ERBB4: variants seen among roughly 807,000 people sequenced by gnomAD.
ERBB4 encodes erb-b2 receptor tyrosine kinase 4.
A neutral mutation model predicts 158.0 loss-of-function variants in ERBB4; 42 were observed. That is an observed-to-expected ratio of 0.27 (90% CI 0.21 to 0.34). ERBB4 has a LOEUF of 0.34. Ranked by LOEUF, ERBB4 falls within the 10% of genes least tolerant of loss-of-function variation. The pLI is 1.00. For synonymous variants in ERBB4, 583 were observed against 558.7 expected, an observed-to-expected ratio of 1.04 and a Z score of -0.61; for missense variants, 1,333 against 1,624.1, an observed-to-expected ratio of 0.82 and a Z score of 3.08.
At chr2:211,424,583 C>T (rs2063585267) in intron 22 of ERBB4, among the ~76,000 whole-genome samples, 1 of 152,016 alleles carries the variant, frequency 6.6e-6, no homozygotes, top group Non-Finnish European at 1.5e-5. Flanking sequence ...CCATTTCTGC[C>T]TATAGGTAAC....
At chr2:211,614,255 A>G (rs565019306) in intron 19 of ERBB4, among the ~76,000 whole-genome samples, 7 of 152,174 alleles carry the variant, frequency 4.6e-5, no homozygotes, top group African/African-American at 1.7e-4. Context: ...GAGTAGAAGG[A>G]TGGTTACCAG....
chr2:211,946,629 C>T (rs1575418645), intron 3 of ERBB4, among the ~76,000 whole-genome samples: 1 of 100,108 alleles, frequency 1.0e-5, no homozygotes, highest in East Asian at 4.0e-4. Flanking sequence ...GCTGTTGTTG[C>T]CCAGGGTAGA....
chr2:211,658,113 A>G (rs978216594), intron 15 of ERBB4: 21 of 688,042 alleles, frequency 3.1e-5, no homozygotes, highest in African/African-American at 9.0e-5. Context: ...TTGGAACACA[A>G]TGAATTTCAA....
chr2:212,060,929 T>C (rs949540829), intron 2 of ERBB4, among the ~76,000 whole-genome samples: 15 of 150,382 alleles, frequency 1.0e-4, no homozygotes, highest in South Asian at 6.3e-4. Flanking sequence ...CTGTACATTG[T>C]GCACACGTAC....
chr2:212,458,275 T>G (rs1453901495), intron 1 of ERBB4, among the ~76,000 whole-genome samples: 1 of 152,088 alleles, frequency 6.6e-6, no homozygotes, highest in East Asian at 1.9e-4. Context: ...AAATTCCATT[T>G]TTTTTTAGGG....
At chr2:212,515,963 A>G (rs1382770812) in intron 1 of ERBB4, among the ~76,000 whole-genome samples, 1 of 152,100 alleles carries the variant, frequency 6.6e-6, no homozygotes, top group Non-Finnish European at 1.5e-5. Context: ...CATTAAAGGA[A>G]GTGAATAAGT....
chr2:212,298,886 C>T (rs1039798361), intron 1 of ERBB4, among the ~76,000 whole-genome samples: 1 of 151,522 alleles, frequency 6.6e-6, no homozygotes, highest in African/African-American at 2.4e-5. Context: ...ATAATTACCT[C>T]AAATAGTTAC....
chr2:212,425,797 T>G (rs1009997940), intron 1 of ERBB4, among the ~76,000 whole-genome samples: 1 of 151,956 alleles, frequency 6.6e-6, no homozygotes, highest in African/African-American at 2.4e-5. Flanking sequence ...TTCCTAACAT[T>G]TTCTTGCTAG....
At chr2:212,013,448 C>A (rs2076438309) in intron 2 of ERBB4, among the ~76,000 whole-genome samples, 1 of 152,142 alleles carries the variant, frequency 6.6e-6, no homozygotes, top group Non-Finnish European at 1.5e-5. Context: ...AATTGGATAG[C>A]ATTCCCTCAA....
intron 1 of ERBB4, among the ~76,000 whole-genome samples, chr2:212,524,685 A>AT (rs112996712): frequency 0.17 from 25,508 of 151,414 alleles, 2,271 homozygotes; most frequent in African/African-American, 0.23. Flanking sequence ...TGTTTAAGTC[A>AT]TTTTTTTTAA....
intron 2 of ERBB4, among the ~76,000 whole-genome samples, chr2:212,122,110 C>A (rs2079770895): frequency 6.6e-6 from 1 of 151,082 alleles, no homozygotes; most frequent in African/African-American, 2.4e-5. Flanking sequence ...ACATATATAT[C>A]ACATATAAAA....
At chr2:212,111,351 C>A (rs564571171) in intron 2 of ERBB4, among the ~76,000 whole-genome samples, 212 of 152,322 alleles carry the variant, frequency 1.4e-3, no homozygotes, top group African/African-American at 4.9e-3. Flanking sequence ...CATACCCATA[C>A]AAGTAAATTC....
At chr2:211,955,016 G>T (rs558272613) in intron 2 of ERBB4, among the ~76,000 whole-genome samples, 1 of 152,014 alleles carries the variant, frequency 6.6e-6, no homozygotes, top group Non-Finnish European at 1.5e-5. Flanking sequence ...ACCCTGGCAA[G>T]GAGGGACTCA....
chr2:212,197,848 GT>G (rs1430100327), intron 1 of ERBB4, among the ~76,000 whole-genome samples: 2 of 152,148 alleles, frequency 1.3e-5, no homozygotes, highest in African/African-American at 4.8e-5. Context: ...ACTTGCAATT[GT>G]TGATTAAACT....
chr2:212,095,112 T>C (rs2078890599), intron 2 of ERBB4, among the ~76,000 whole-genome samples: 1 of 152,154 alleles, frequency 6.6e-6, no homozygotes, highest in Admixed American at 6.5e-5. Context: ...GTCATCTTGA[T>C]TGCTAGATTG....
At chr2:211,883,814 T>G (rs2078725882) in intron 3 of ERBB4, among the ~76,000 whole-genome samples, 1 of 151,990 alleles carries the variant, frequency 6.6e-6, no homozygotes, top group South Asian at 2.1e-4. Flanking sequence ...TAAAATAAAA[T>G]ACGTTACTCT....
intron 2 of ERBB4, among the ~76,000 whole-genome samples, chr2:212,075,746 A>G (rs185284381): frequency 1.3e-5 from 2 of 152,036 alleles, no homozygotes; most frequent in East Asian, 3.9e-4. Context: ...TGGCTCCCAT[A>G]TAACTTACTA....
intron 2 of ERBB4, among the ~76,000 whole-genome samples, chr2:212,038,314 A>C (rs1174057846): frequency 6.6e-6 from 1 of 152,092 alleles, no homozygotes; most frequent in African/African-American, 2.4e-5. Context: ...TAGTTCCTTC[A>C]TGATTAATTG....
At chr2:212,208,100 C>T (rs2082821577) in intron 1 of ERBB4, among the ~76,000 whole-genome samples, 1 of 151,974 alleles carries the variant, frequency 6.6e-6, no homozygotes, top group Non-Finnish European at 1.5e-5. Flanking sequence ...TATCTATTTA[C>T]CTTTGGAGTT....
Sources: allele counts gnomAD v4.1 joint callset (sites outside exome capture counted in the v4.1 genomes callset), GRCh38; gene constraint gnomAD v4.1.1; transcripts MANE v1.5; gene names NCBI Gene and HGNC (gene_info 2026-07-23, HGNC 2026-07-21).